NR2C2: variants seen among roughly 807,000 people sequenced by gnomAD.
NR2C2 encodes the protein Nuclear hormone receptor TR4.
Under a neutral mutation model 62.9 loss-of-function variants are expected in NR2C2, and 6 were observed. That is an observed-to-expected ratio of 0.10 (90% CI 0.05 to 0.19). The LOEUF (loss-of-function observed/expected upper bound fraction) is 0.19, where lower values mean the gene tolerates loss of function less well. Among genes scored for constraint, NR2C2 ranks in the 10% least tolerant of loss-of-function variants. The probability of loss-of-function intolerance (pLI) is 1.00; values close to 1 mark genes in which losing one functional copy is unlikely to be tolerated. For missense variants in NR2C2, 479 were observed against 762.7 expected (o/e 0.63, Z 4.38); for synonymous variants, 272 against 273.8 (o/e 0.99, Z 0.07).
Position 15,030,353 on chromosome 3 carries a change from C to A in NR2C2, c.1011C>A (p.Thr337=). ...SSPSLADGID[T]SGGGSIHVIS... The stretch of plus-strand genomic sequence containing the variant: ...CAAGCTTGGCAGATGGGATAGACAC[C>A]AGTGGAGGAGGGAGCATCCACGTCA... Residue 337 remains threonine (T), a synonymous_variant, in exon 9 of 14, where the codon ACC becomes ACA. Transcript: ENST00000425241. 1 of 1,613,428 alleles carries A rather than the reference C, an allele frequency of 6.2e-7. No individual in the cohort carries two copies. Among genetic ancestry groups the A allele is most frequent in the Non-Finnish European group, 8.5e-7 (1 of 1,179,822 alleles).
At chr3:15,008,512 A>T (rs2041255745) in intron 2 of NR2C2, among the ~76,000 whole-genome samples, 2 of 148,486 alleles carry the variant, frequency 1.3e-5, no homozygotes, top group South Asian at 2.1e-4. Context: ...ACAGAATAAG[A>T]CCTGGTCTCA....
At position 14,999,219 on chromosome 3, in the gene NR2C2, A is replaced by G. The variant is rs1262885898; in HGVS notation, c.-39-4657A>G. 3.3e-5 allele frequency among the ~76,000 whole-genome samples: 5 copies of G among 152,294 alleles called. No homozygotes were observed. The East Asian group carries it at 9.7e-4, about 29-fold the overall frequency. On this transcript the variant is annotated intron_variant, in intron 1 of 13. Transcript: ENST00000425241. Reference sequence around the variant, plus strand: ...TAATCTCAGCTACTCAGGAGGCTGAAGCAGGAGAATCACTTGAACCCAGGA... The same window carrying G: ...TAATCTCAGCTACTCAGGAGGCTGAGGCAGGAGAATCACTTGAACCCAGGA...
At chr3:14,954,644 A>G (rs994726397) in intron 1 of NR2C2, among the ~76,000 whole-genome samples, 1 of 152,234 alleles carries the variant, frequency 6.6e-6, no homozygotes. Context: ...GTGCAATAAT[A>G]TTATAAAGTA....
At chr3:14,955,329 A>G (rs1256521561) in intron 1 of NR2C2, among the ~76,000 whole-genome samples, 1 of 152,242 alleles carries the variant, frequency 6.6e-6, no homozygotes, top group Non-Finnish European at 1.5e-5. Context: ...ATACTGAAAC[A>G]TAAGTCACAT....
At chr3:15,006,705 A>G (rs1327895711) in intron 2 of NR2C2, among the ~76,000 whole-genome samples, 1 of 151,896 alleles carries the variant, frequency 6.6e-6, no homozygotes, top group Non-Finnish European at 1.5e-5. Flanking sequence ...AGGGCTTTCC[A>G]TATACCAGAA....
At chr3:14,953,761 G>A (rs1481849470) in intron 1 of NR2C2, among the ~76,000 whole-genome samples, 1 of 152,058 alleles carries the variant, frequency 6.6e-6, no homozygotes, top group African/African-American at 2.4e-5. Context: ...TGGGCGTGGT[G>A]GCAGGCGCCT....
chr3:14,982,079 G>A (rs2040385887), intron 1 of NR2C2, among the ~76,000 whole-genome samples: 1 of 152,090 alleles, frequency 6.6e-6, no homozygotes, highest in Non-Finnish European at 1.5e-5. Context: ...CAATCAGGTT[G>A]ACACTTAATA....
intron 1 of NR2C2, among the ~76,000 whole-genome samples, chr3:14,999,444 TTG>T (rs2040924043): frequency 6.6e-6 from 1 of 152,170 alleles, no homozygotes; most frequent in Non-Finnish European, 1.5e-5. Context: ...TGAACCATAA[TTG>T]TGCTACTGCG....
intron 1 of NR2C2, among the ~76,000 whole-genome samples, chr3:14,964,158 C>G (rs1016816628): frequency 6.6e-6 from 1 of 152,162 alleles, no homozygotes; most frequent in African/African-American, 2.4e-5. Context: ...GAGTTAAGTT[C>G]CTATGGCATA....
Position 15,048,125 on chromosome 3 carries a change from A to G in NR2C2, c.*5117A>G, listed in dbSNP as rs1315358963. The G allele has an allele frequency of 6.6e-6, 1 of 152,650 alleles. No individual in the cohort carries two copies. Among genetic ancestry groups the G allele is most frequent in the Non-Finnish European group, 1.5e-5 (1 of 68,054 alleles). The allele number at this position is 152,650 out of a possible 1,614,324, so 9.5% of individuals were successfully genotyped here. Reference sequence around the variant, plus strand: ...TTTTCTTTTTAAAATAAGTTATCAAAATGTTTTAAAAACACTTTATGAGAC... The same window carrying G: ...TTTTCTTTTTAAAATAAGTTATCAAGATGTTTTAAAAACACTTTATGAGAC... On this transcript the variant is annotated 3_prime_UTR_variant, in exon 14 of 14. Coordinates refer to ENST00000425241, the MANE Select transcript of NR2C2 (RefSeq NM_001291694.2).
At chr3:15,030,172 A>T in intron 8 of NR2C2, 103 bp from the exon 9 acceptor site, 1 of 983,670 alleles carries the variant, frequency 1.0e-6, no homozygotes, top group Non-Finnish European at 1.5e-6. Flanking sequence ...GGTAGAATTT[A>T]ATTATCTTTT....
intron 7 of NR2C2, 74 bp downstream of exon 7, chr3:15,024,282 C>A: frequency 2.0e-6 from 2 of 981,902 alleles, no homozygotes; most frequent in South Asian, 1.6e-5. Context: ...CTGTGTGCAC[C>A]ACTTTCTTCC....
intron 1 of NR2C2, among the ~76,000 whole-genome samples, chr3:14,957,171 T>G (rs796129892): frequency 1.3e-4 from 20 of 152,340 alleles, no homozygotes; most frequent in African/African-American, 4.8e-4. Context: ...GTAGATACTT[T>G]GCATGTTATA....
intron 3 of NR2C2, 44 bp from the exon 4 acceptor site, chr3:15,016,108 T>A: frequency 6.7e-7 from 1 of 1,497,934 alleles, no homozygotes; most frequent in Non-Finnish European, 9.3e-7. Context: ...GGCAGTGATT[T>A]GATTTTTAAT....
In NR2C2 at chr3:15,049,165, A is replaced by T. The variant is rs2042560190; in HGVS notation, c.*6157A>T. On this transcript the variant is annotated 3_prime_UTR_variant, in exon 14 of 14. Transcript: ENST00000425241. The stretch of plus-strand genomic sequence containing the variant: ...GTATATAGAGTATTGCAGTGCATGA[A>T]TTAGCTTTATGCATTTTATTAAATG... 6.6e-6 allele frequency: 1 copy of T among 152,650 alleles called. No individual in the cohort carries two copies. The allele number at this position is 152,650 out of a possible 1,614,324, so 9.5% of individuals were successfully genotyped here.
chr3:15,023,115 C>A, intron 5 of NR2C2, 85 bp from the exon 6 acceptor site: 1 of 1,441,520 alleles, frequency 6.9e-7, no homozygotes, highest in Non-Finnish European at 9.6e-7. Flanking sequence ...ATCCTCCCTG[C>A]AGTAATGGAT....
At chr3:15,019,854 A>G (rs925529406) in intron 4 of NR2C2, among the ~76,000 whole-genome samples, 2 of 152,218 alleles carry the variant, frequency 1.3e-5, no homozygotes, top group African/African-American at 4.8e-5. Context: ...CACTGTAGCC[A>G]TAGCTAACAA....
chr3:14,985,709 C>A lies in NR2C2; in HGVS notation c.-39-18167C>A, dbSNP rs148776980. Among the ~76,000 whole-genome samples, 264 of 152,192 alleles carry A rather than the reference C, an allele frequency of 1.7e-3. 1 individual carries two copies. The highest frequency in any genetic ancestry group is 5.9e-3 in the African/African-American group (245 of 41,536). ...TACTCTCATATTTTATAGATTAGAG[C>A]TATATTTATTTAGCTACTCCTCTAA... On this transcript the variant is annotated intron_variant, in intron 1 of 13. Transcript: ENST00000425241.
chr3:14,962,901 A>C (rs2039728757), intron 1 of NR2C2, among the ~76,000 whole-genome samples: 2 of 152,190 alleles, frequency 1.3e-5, no homozygotes, highest in Non-Finnish European at 2.9e-5. Flanking sequence ...CAGGGATTGT[A>C]CTAAGTGCTG....
Sources: gnomAD v4.1 joint callset for allele counts (sites outside exome capture counted in the v4.1 genomes callset) on GRCh38, gnomAD v4.1.1 for gene constraint, MANE v1.5 for transcripts, NCBI Gene and HGNC (gene_info 2026-07-23, HGNC 2026-07-21) for gene names.